TSPEAR: variants seen among roughly 807,000 people sequenced by gnomAD.
TSPEAR encodes thrombospondin type laminin G domain and EAR repeats.
TSPEAR carries 69 observed loss-of-function variants against 71.6 expected under a neutral mutation model. The observed-to-expected ratio is 0.96, with a 90% CI of 0.79 to 1.18. TSPEAR has a LOEUF of 1.18. TSPEAR is among the 50% of genes most tolerant of loss of function. The probability of loss-of-function intolerance (pLI) is 0.00; values close to 1 mark genes in which losing one functional copy is unlikely to be tolerated. For missense variants in TSPEAR, 971 were observed against 894.9 expected, an observed-to-expected ratio of 1.09 and a Z score of -1.09; for synonymous variants, 402 against 387.2, an observed-to-expected ratio of 1.04 and a Z score of -0.45.
rs144993040 is a variant in TSPEAR at position 44,521,572 on chromosome 21, C to T, written c.1566+311G>A. ...GGGGAGGGAGGGCCTGTTCTGAGCC[C>T]GGGGGCTGCTTTATGGAGAACACCA... On this transcript the variant is annotated intron_variant, in intron 9 of 11. Transcript: ENST00000323084. 2.5e-3 allele frequency among the ~76,000 whole-genome samples: 388 copies of T among 152,336 alleles called. 2 individuals are homozygous for T. Among genetic ancestry groups the T allele is most frequent in the Non-Finnish European group, 4.4e-3 (300 of 68,022 alleles).
At position 44,580,647 on chromosome 21, in the gene TSPEAR, A is replaced by G. The variant is rs5017206; in HGVS notation, c.83-12642T>C. Reference sequence around the variant, plus strand: ...AGTGAGTGAGTGTGTGAGTGAGTGAAGGAGGGAGTGAGTGAGTGAGGTGCT... The same window carrying G: ...AGTGAGTGAGTGTGTGAGTGAGTGAGGGAGGGAGTGAGTGAGTGAGGTGCT... On this transcript the variant is annotated intron_variant, in intron 1 of 11. Coordinates refer to ENST00000323084, the MANE Select transcript of TSPEAR (RefSeq NM_144991.3). 6.0e-4 allele frequency: 887 copies of G among 1,477,388 alleles called. 7 individuals are homozygous for G. The African/African-American group carries it at 0.013, about 21-fold the overall frequency. 91.5% of individuals were successfully genotyped at this position (1,477,388 alleles called of 1,614,324 possible).
intron 1 of TSPEAR, among the ~76,000 whole-genome samples, chr21:44,619,253 C>T (rs1283221995): frequency 1.3e-5 from 2 of 152,226 alleles, no homozygotes; most frequent in Non-Finnish European, 2.9e-5. Context: ...AAATTACTAT[C>T]TCAGCACTAA....
In TSPEAR at chr21:44,499,469, G is replaced by C. The variant is rs1437437379; in HGVS notation, c.*314C>G. The C allele has an allele frequency of 6.2e-6, 2 of 320,900 alleles. No individual in the cohort carries two copies. The highest frequency in any genetic ancestry group is 1.2e-5 in the Non-Finnish European group (2 of 173,824). The allele number at this position is 320,900 out of a possible 1,614,324, so 19.9% of individuals were successfully genotyped here. A position where few individuals can be genotyped will look rare whatever the true frequency, so the allele number is the denominator to read the frequency against. On this transcript the variant is annotated 3_prime_UTR_variant, in exon 12 of 12. Coordinates refer to ENST00000323084, the MANE Select transcript of TSPEAR (RefSeq NM_144991.3). ...CATGAACCGAGGTCCTGTTGTTTGA[G>C]GTAAAAATGTATAGAAACGGTTCCT...
At chr21:44,574,741 G>A (rs1555923559) in intron 1 of TSPEAR, 1 of 1,613,034 alleles carries the variant, frequency 6.2e-7, no homozygotes, top group Non-Finnish European at 8.5e-7. Context: ...CCTGTGAGCT[G>A]TGTGCCTGTT....
chr21:44,697,250 C>T (rs782534862), intron 1 of TSPEAR: 1 of 1,613,996 alleles, frequency 6.2e-7, no homozygotes, highest in South Asian at 1.1e-5. Context: ...CGTCTGCCTT[C>T]CTGGTTCCTG....
At chr21:44,706,837 G>A (rs1011011944) in intron 1 of TSPEAR, among the ~76,000 whole-genome samples, 1 of 152,188 alleles carries the variant, frequency 6.6e-6, no homozygotes, top group Non-Finnish European at 1.5e-5. Flanking sequence ...CCATGGGATT[G>A]GATTCGCCAG....
intron 1 of TSPEAR, chr21:44,628,039 T>C (rs1982992958): frequency 1.2e-6 from 2 of 1,612,312 alleles, no homozygotes; most frequent in Non-Finnish European, 1.7e-6. Context: ...AGGCCAGAAG[T>C]CCAGCTGCTG....
intron 2 of TSPEAR, among the ~76,000 whole-genome samples, chr21:44,538,483 T>A (rs587706841): frequency 1.4e-5 from 2 of 146,916 alleles, no homozygotes; most frequent in Non-Finnish European, 3.0e-5. Flanking sequence ...ATCCTGTGCC[T>A]CCATCCGCCC....
chr21:44,585,189 C>G (rs1185291478), intron 1 of TSPEAR, among the ~76,000 whole-genome samples: 2 of 152,178 alleles, frequency 1.3e-5, no homozygotes, highest in African/African-American at 2.4e-5. Flanking sequence ...TGTTTAAGAA[C>G]AGCCCTCCTG....
intron 1 of TSPEAR, chr21:44,676,371 G>T: frequency 2.7e-6 from 3 of 1,125,124 alleles, no homozygotes; most frequent in South Asian, 1.2e-5. Flanking sequence ...TACCCAGTGG[G>T]ACAGCAGGCA....
rs150190426 is a variant in TSPEAR at position 44,612,852 on chromosome 21, G to A, written c.83-44847C>T. 9.6e-3 allele frequency: 15,551 copies of A among 1,612,230 alleles called. 119 individuals are homozygous for A. Among genetic ancestry groups the A allele is most frequent in the Non-Finnish European group, 0.011 (13,301 of 1,179,764 alleles). On this transcript the variant is annotated intron_variant, in intron 1 of 11. Coordinates refer to ENST00000323084, the MANE Select transcript of TSPEAR (RefSeq NM_144991.3). The surrounding 1 kb of genome is among the most constrained non-coding windows in gnomAD (Gnocchi z 4.1). ...GCCTCCTGCCTGTCCTTCCTCTGCC[G>A]CCCCGCGTGCTCCCGCCTGGCCTGC...
At chr21:44,599,172 C>CTCTCTCTCTCTCTCTCTCTCTCTCT (rs1372930980) in intron 1 of TSPEAR, among the ~76,000 whole-genome samples, 125 of 146,022 alleles carry the variant, frequency 8.6e-4, no homozygotes, top group South Asian at 1.7e-3. Flanking sequence ...CTCTCTCTCT[C>CTCTCTCTCTCTCTCTCTCTCTCTCT]CTTCCATCCC....
intron 1 of TSPEAR, among the ~76,000 whole-genome samples, chr21:44,628,905 C>T (rs1232482923): frequency 3.3e-5 from 5 of 150,738 alleles, no homozygotes; most frequent in African/African-American, 1.2e-4. Context: ...AGAACAGACA[C>T]GTGGTCTCCA....
chr21:44,648,096 T>G (rs1984550237), intron 1 of TSPEAR, among the ~76,000 whole-genome samples: 1 of 152,246 alleles, frequency 6.6e-6, no homozygotes, highest in Admixed American at 6.5e-5. Context: ...GGCCACTCTG[T>G]GTGCTCTGAA....
chr21:44,579,544 G>A, intron 1 of TSPEAR: 1 of 617,028 alleles, frequency 1.6e-6, no homozygotes, highest in Non-Finnish European at 2.8e-6. Flanking sequence ...GAGAAGCTGG[G>A]AGGGAGGACA....
At position 44,554,663 on chromosome 21, in the gene TSPEAR, C is replaced by T. The variant is rs78359587; in HGVS notation, c.303+13122G>A. On this transcript the variant is annotated intron_variant, in intron 2 of 11. Transcript: ENST00000323084. ...CTAGTGTGAGAGGCCGCTAACCACACGTGGCTCTTGAGTGCTTGAAATGTG... is the reference window on the plus strand; with the variant it reads ...CTAGTGTGAGAGGCCGCTAACCACATGTGGCTCTTGAGTGCTTGAAATGTG... Among the ~76,000 whole-genome samples, 1,332 of 152,326 alleles carry T rather than the reference C, an allele frequency of 8.7e-3. 17 individuals carry two copies. Among genetic ancestry groups the T allele is most frequent in the African/African-American group, 0.03 (1,246 of 41,562 alleles).
chr21:44,644,037 G>A (rs1555939021), intron 1 of TSPEAR, among the ~76,000 whole-genome samples: 1 of 152,202 alleles, frequency 6.6e-6, no homozygotes, highest in East Asian at 1.9e-4. Context: ...GGGCCACCCT[G>A]CCCTCCAGAC....
intron 1 of TSPEAR, among the ~76,000 whole-genome samples, chr21:44,709,308 G>A (rs1161226762): frequency 6.6e-6 from 1 of 152,226 alleles, no homozygotes; most frequent in African/African-American, 2.4e-5. Flanking sequence ...TACAAGAATC[G>A]GAAGGGTCCC....
Position 44,529,229 on chromosome 21 carries a change from G to A in TSPEAR, c.790+569C>T, listed in dbSNP as rs587744809. On this transcript the variant is annotated intron_variant, in intron 5 of 11. Transcript: ENST00000323084. ...TGGCTGAGAGCAGTGGGGATGCGGC[G>A]GGGAGGGGCATTTCAGATTCTCCAT... Among the ~76,000 whole-genome samples the A allele has an allele frequency of 2.1e-4, 32 of 152,332 alleles. 1 individual carries two copies. The South Asian group carries it at 6.0e-3, about 29-fold the overall frequency.
Sources: gnomAD v4.1 joint callset for allele counts (sites outside exome capture counted in the v4.1 genomes callset) on GRCh38, gnomAD v4.1.1 for gene constraint, Gnocchi (gnomAD v3.1) non-coding constraint, MANE v1.5 for transcripts, NCBI Gene and HGNC (gene_info 2026-07-23, HGNC 2026-07-21) for gene names.